Variants in PCDHGB2 observed in about 807,000 individuals in gnomAD.
The protein encoded by PCDHGB2 is protocadherin gamma-B2.
Under a neutral mutation model 59.3 loss-of-function variants are expected in PCDHGB2, and 55 were observed. That is an observed-to-expected ratio of 0.93 (90% CI 0.75 to 1.16). PCDHGB2 has a LOEUF of 1.16. Ranked by LOEUF, PCDHGB2 falls within the 50% of genes most tolerant of loss-of-function variation. The pLI is 0.00. For synonymous variants in PCDHGB2, 516 were observed against 512.0 expected, an observed-to-expected ratio of 1.01 and a Z score of -0.11; for missense variants, 1,228 against 1,198.5, an observed-to-expected ratio of 1.02 and a Z score of -0.36.
At chr5:141,390,560 T>C (rs531396970) in intron 1 of PCDHGB2, 1 of 443,156 alleles carries the variant, frequency 2.3e-6, no homozygotes, top group East Asian at 4.1e-5. Context: ...GTTAGACAGT[T>C]GTTGGCTCTC....
At chr5:141,383,797 G>C in intron 1 of PCDHGB2, 1 of 1,613,964 alleles carries the variant, frequency 6.2e-7, no homozygotes, top group Non-Finnish European at 8.5e-7. Context: ...GCTTACAGGA[G>C]AAATATCAAC....
intron 1 of PCDHGB2, among the ~76,000 whole-genome samples, chr5:141,381,529 A>G (rs530526235): frequency 3.3e-5 from 5 of 152,212 alleles, no homozygotes; most frequent in Non-Finnish European, 5.9e-5. Context: ...TTTGAATTGC[A>G]TACTAGGATG....
At position 141,485,386 on chromosome 5, in the gene PCDHGB2, C is replaced by A. The variant is rs1044608807; in HGVS notation, c.2422-9421C>A. The stretch of plus-strand genomic sequence containing the variant: ...GGCTGCAGGTCGCTGGAGAGGTGAA[C>A]CAAAGACACTTCCGTGTGGATTTGG... On this transcript the variant is annotated intron_variant, in intron 1 of 3. Coordinates refer to ENST00000522605, the MANE Select transcript of PCDHGB2 (RefSeq NM_018923.3). This position sits in a 1 kb window ranked among gnomAD's most constrained non-coding sequence, Gnocchi z 5.7. 1.2e-6 allele frequency: 2 copies of A among 1,614,104 alleles called. No homozygotes were observed. The highest frequency in any genetic ancestry group is 8.5e-7 in the Non-Finnish European group (1 of 1,180,002).
At chr5:141,414,738 C>T in intron 1 of PCDHGB2, 1 of 1,614,238 alleles carries the variant, frequency 6.2e-7, no homozygotes, top group Non-Finnish European at 8.5e-7. Context: ...TGTATGCACT[C>T]AGATCCTTCG....
In PCDHGB2 at chr5:141,511,342, C is replaced by G. The variant is rs2099883728; in HGVS notation, c.*169C>G. The stretch of plus-strand genomic sequence containing the variant: ...AACAAGTGCCCAGTCAGCACCTACC[C>G]CTTCCCCCCCAGGGGGTTGAATATG... On this transcript the variant is annotated 3_prime_UTR_variant, in exon 4 of 4. Coordinates refer to ENST00000522605, the MANE Select transcript of PCDHGB2 (RefSeq NM_018923.3). 1 of 1,424,960 alleles carries G rather than the reference C, an allele frequency of 7.0e-7. No homozygotes were observed. Among genetic ancestry groups the G allele is most frequent in the Admixed American group, 2.6e-5 (1 of 38,556 alleles). 88.3% of individuals were successfully genotyped at this position (1,424,960 alleles called of 1,614,324 possible).
Position 141,431,529 on chromosome 5 carries a change from T to C in PCDHGB2, c.2422-63278T>C, listed in dbSNP as rs145601545. 166 of 1,614,074 alleles carry C rather than the reference T, an allele frequency of 1.0e-4. No individual in the cohort carries two copies. In the African/African-American group the frequency reaches 2.0e-3, roughly 19 times the overall value. On this transcript the variant is annotated intron_variant, in intron 1 of 3. Coordinates refer to ENST00000522605, the MANE Select transcript of PCDHGB2 (RefSeq NM_018923.3). The surrounding 1 kb of genome is among the most constrained non-coding windows in gnomAD (Gnocchi z 4.8). The stretch of plus-strand genomic sequence containing the variant: ...GCGAGCGTTCCGGAGAATCTGGCCT[T>C]GGGCACGCAGCTGCTTGTAGTCAAC...
chr5:141,372,799 A>G (rs1769080872), intron 1 of PCDHGB2: 7 of 1,596,852 alleles, frequency 4.4e-6, no homozygotes, highest in Non-Finnish European at 5.1e-6. Flanking sequence ...AATTCAGGCA[A>G]TTTGCAAAAG....
In PCDHGB2 at chr5:141,375,737, G is replaced by C. The variant is rs373966789; in HGVS notation, c.2421+13181G>C. 19 of 1,614,262 alleles carry C rather than the reference G, an allele frequency of 1.2e-5. No homozygotes were observed. In the African/African-American group the frequency reaches 2.0e-4, roughly 17 times the overall value. Reference sequence around the variant, plus strand: ...CAGCAACGTGTCACTGAGCCTGTTTGTGCTGGACCAGAATGACAATGCGCC... The same window carrying C: ...CAGCAACGTGTCACTGAGCCTGTTTCTGCTGGACCAGAATGACAATGCGCC... On this transcript the variant is annotated intron_variant, in intron 1 of 3. Coordinates refer to ENST00000522605, the MANE Select transcript of PCDHGB2 (RefSeq NM_018923.3).
At position 141,412,973 on chromosome 5, in the gene PCDHGB2, C is replaced by A. The variant is rs2095594108; in HGVS notation, c.2421+50417C>A. 14 of 528,318 alleles carry A rather than the reference C, an allele frequency of 2.6e-5. No individual in the cohort carries two copies. In the South Asian group the frequency reaches 3.3e-4, roughly 12 times the overall value. The allele number at this position is 528,318 out of a possible 1,614,324, so 32.7% of individuals were successfully genotyped here. A position where few individuals can be genotyped will look rare whatever the true frequency, so the allele number is the denominator to read the frequency against. Reference sequence around the variant, plus strand: ...GCTGTTCACCTACTAGGAGAGAAAACGCAGCCAGAGCTCAATCCGGATTCT... The same window carrying A: ...GCTGTTCACCTACTAGGAGAGAAAAAGCAGCCAGAGCTCAATCCGGATTCT... On this transcript the variant is annotated intron_variant, in intron 1 of 3. Transcript: ENST00000522605.
intron 1 of PCDHGB2, among the ~76,000 whole-genome samples, chr5:141,363,586 A>T (rs1211336647): frequency 6.6e-6 from 1 of 152,232 alleles, no homozygotes; most frequent in Non-Finnish European, 1.5e-5. Context: ...TGCATAGTTA[A>T]CCCAACTCAA....
chr5:141,420,460 A>G lies in PCDHGB2; in HGVS notation c.2421+57904A>G, dbSNP rs946386638. On this transcript the variant is annotated intron_variant, in intron 1 of 3. Coordinates refer to ENST00000522605, the MANE Select transcript of PCDHGB2 (RefSeq NM_018923.3). ...AATGCCTCAGTCTTCCTACTATTCA[A>G]AGACATTTTAAAGCAAACTACATGG... The G allele has an allele frequency of 3.4e-6, 3 of 889,944 alleles. No individual in the cohort carries two copies. The African/African-American group carries it at 5.2e-5, about 16-fold the overall frequency. 55.1% of individuals were successfully genotyped at this position (889,944 alleles called of 1,614,324 possible).
intron 1 of PCDHGB2, among the ~76,000 whole-genome samples, chr5:141,483,322 G>C (rs1325809962): frequency 1.3e-5 from 2 of 152,110 alleles, no homozygotes. Flanking sequence ...TGGGACTGGA[G>C]GCAAAGAGAT....
rs1561523767 is a variant in PCDHGB2 at position 141,361,475 on chromosome 5, A to G, written c.1340A>G (p.Asp447Gly). Residue 447 changes from aspartate (D) to glycine (G), a missense_variant, in exon 1 of 4, where the codon GAT becomes GGT. Physicochemically the swap from Asp to Gly is moderately conservative, Grantham distance 94. Around this residue, in one of 3 missense-constraint regions of PCDHGB2, gnomAD observed 781 missense variants for 721.6 expected, o/e 1.08. Transcript: ENST00000522605. ...IVTLHISDVN[D>G]NAPVFQQTSY... ...ACCCTGCACATCTCCGACGTCAACG[A>G]TAATGCCCCAGTTTTCCAACAGACT... The G allele has an allele frequency of 6.2e-7, 1 of 1,614,020 alleles. No homozygotes were observed. The highest frequency in any genetic ancestry group is 8.5e-7 in the Non-Finnish European group (1 of 1,179,898).
chr5:141,478,927 C>T (rs2154577116), intron 1 of PCDHGB2: 2 of 690,162 alleles, frequency 2.9e-6, no homozygotes, highest in East Asian at 6.0e-5. Flanking sequence ...TAACCAGTGG[C>T]AGCTTCTAGG....
At chr5:141,507,810 G>C (rs550331241) in intron 3 of PCDHGB2, among the ~76,000 whole-genome samples, 5 of 152,172 alleles carry the variant, frequency 3.3e-5, no homozygotes, top group Non-Finnish European at 2.9e-5. Context: ...CCTGGGGAAC[G>C]GACCCTGGGG....
intron 1 of PCDHGB2, chr5:141,399,413 C>T (rs1456440098): frequency 2.5e-5 from 41 of 1,613,930 alleles, no homozygotes; most frequent in Non-Finnish European, 3.2e-5. Context: ...CCGCCCCTCT[C>T]CTCCAGCATA....
At chr5:141,417,851 G>A (rs1196210157) in intron 1 of PCDHGB2, 1 of 1,543,512 alleles carries the variant, frequency 6.5e-7, no homozygotes, top group Non-Finnish European at 8.8e-7. Flanking sequence ...GCGAGAACCC[G>A]AGCGAACGAT....
chr5:141,452,584 T>C (rs992607928), intron 1 of PCDHGB2, among the ~76,000 whole-genome samples: 1 of 152,182 alleles, frequency 6.6e-6, no homozygotes, highest in Non-Finnish European at 1.5e-5. Context: ...TTTCCATCTT[T>C]GTATTTTTAT....
intron 1 of PCDHGB2, among the ~76,000 whole-genome samples, chr5:141,480,272 G>A (rs903112862): frequency 7.2e-6 from 1 of 138,796 alleles, no homozygotes; most frequent in African/African-American, 3.0e-5. Flanking sequence ...TTCATTAGCT[G>A]GGTGTGTTGG....
Sources: gnomAD v4.1 joint callset for allele counts (sites outside exome capture counted in the v4.1 genomes callset) on GRCh38, gnomAD v4.1.1 for gene constraint, gnomAD v4.1.1 regional missense constraint, Gnocchi (gnomAD v3.1) non-coding constraint, MANE v1.5 for transcripts, NCBI Gene and HGNC (gene_info 2026-07-23, HGNC 2026-07-21) for gene names.